The following NRG3 variants were observed in gnomAD, a reference collection of about 807,000 sequenced individuals.
NRG3 encodes pro-neuregulin-3, membrane-bound isoform.
Under a neutral mutation model 66.9 loss-of-function variants are expected in NRG3, and 31 were observed. The ratio of observed to expected loss-of-function variants is 0.46; its 90% CI spans 0.35 to 0.63. The LOEUF (loss-of-function observed/expected upper bound fraction) is 0.63, where lower values mean the gene tolerates loss of function less well. NRG3 is among the 20% of genes least tolerant of loss of function. NRG3 has a pLI of 0.00. For synonymous variants in NRG3, 393 were observed against 359.4 expected, an observed-to-expected ratio of 1.09 and a Z score of -1.06; for missense variants, 910 against 878.9, an observed-to-expected ratio of 1.04 and a Z score of -0.45.
intron 1 of NRG3, among the ~76,000 whole-genome samples, chr10:82,055,750 A>C (rs1324215986): frequency 2.6e-5 from 4 of 152,164 alleles, no homozygotes; most frequent in African/African-American, 7.2e-5. Flanking sequence ...TTACAATGCA[A>C]GAAAGAGAAG....
intron 2 of NRG3, among the ~76,000 whole-genome samples, chr10:82,680,786 G>A (rs2054056289): frequency 6.6e-6 from 1 of 152,120 alleles, no homozygotes; most frequent in Non-Finnish European, 1.5e-5. Context: ...AGTTTCACTA[G>A]GCAGTTTCAG....
At chr10:82,145,691 C>T (rs1350053114) in intron 1 of NRG3, among the ~76,000 whole-genome samples, 6 of 152,190 alleles carry the variant, frequency 3.9e-5, no homozygotes, top group Admixed American at 3.3e-4. Context: ...GGTACAATAA[C>T]CAACTGTAGC....
At chr10:82,109,535 T>TTGTGTGTGTGTG (rs747213240) in intron 1 of NRG3, among the ~76,000 whole-genome samples, 17 of 138,772 alleles carry the variant, frequency 1.2e-4, no homozygotes, top group Non-Finnish European at 2.3e-4. Context: ...AAGAATAAGA[T>TTGTGTGTGTGTG]TGTGTGTGTG....
At chr10:82,925,944 G>C (rs1846954224) in intron 4 of NRG3, among the ~76,000 whole-genome samples, 1 of 152,150 alleles carries the variant, frequency 6.6e-6, no homozygotes, top group African/African-American at 2.4e-5. Flanking sequence ...ATGCATTTTA[G>C]GGGATTTGAG....
chr10:82,079,198 C>T (rs1241135976), intron 1 of NRG3, among the ~76,000 whole-genome samples: 1 of 151,976 alleles, frequency 6.6e-6, no homozygotes, highest in Non-Finnish European at 1.5e-5. Flanking sequence ...GTGCCTGCCA[C>T]AACGCCCAGC....
At chr10:82,876,161 T>G (rs563104723) in intron 4 of NRG3, among the ~76,000 whole-genome samples, 1 of 152,346 alleles carries the variant, frequency 6.6e-6, no homozygotes, top group East Asian at 1.9e-4. Flanking sequence ...TGCTGTTCAC[T>G]GAAGAATAAC....
At chr10:82,878,226 T>C (rs1206606951) in intron 4 of NRG3, among the ~76,000 whole-genome samples, 2 of 152,114 alleles carry the variant, frequency 1.3e-5, no homozygotes, top group African/African-American at 2.4e-5. Flanking sequence ...CTGGACAAAC[T>C]TGATGTAGTT....
chr10:82,185,286 A>G (rs2073731055), intron 1 of NRG3, among the ~76,000 whole-genome samples: 1 of 152,220 alleles, frequency 6.6e-6, no homozygotes, highest in South Asian at 2.1e-4. Context: ...GTAAGATGCT[A>G]GACTATCTGC....
chr10:82,577,709 T>A (rs1281741750), intron 2 of NRG3, among the ~76,000 whole-genome samples: 1 of 151,750 alleles, frequency 6.6e-6, no homozygotes, highest in Non-Finnish European at 1.5e-5. Context: ...GGATGTTTCA[T>A]GAATTTTCGG....
chr10:82,174,990 TA>T (rs1329648214), intron 1 of NRG3, among the ~76,000 whole-genome samples: 3 of 152,144 alleles, frequency 2.0e-5, no homozygotes, highest in Non-Finnish European at 4.4e-5. Context: ...CTCTCTTTTT[TA>T]AAAAAATTAT....
intron 1 of NRG3, among the ~76,000 whole-genome samples, chr10:81,903,982 A>G (rs1013216641): frequency 1.6e-5 from 2 of 121,980 alleles, no homozygotes; most frequent in African/African-American, 8.3e-5. Flanking sequence ...GTGTATATAT[A>G]TATATATATA....
intron 2 of NRG3, among the ~76,000 whole-genome samples, chr10:82,580,320 G>C (rs2046281295): frequency 6.6e-6 from 1 of 151,708 alleles, no homozygotes; most frequent in Non-Finnish European, 1.5e-5. Context: ...CCCAAATACA[G>C]AGTTCCTATA....
In NRG3 at chr10:82,447,275, C is replaced by T. The variant is rs77545192; in HGVS notation, c.953+88407C>T. The stretch of plus-strand genomic sequence containing the variant: ...TATTTGAATTTAAGCTTATAGGCCA[C>T]GGAGTGCAGGCAACCAGCAGTCGGG... On this transcript the variant is annotated intron_variant, in intron 2 of 8. Coordinates refer to ENST00000372141, the MANE Select transcript of NRG3 (RefSeq NM_001010848.4). 6.6e-3 allele frequency among the ~76,000 whole-genome samples: 1,001 copies of T among 152,212 alleles called. 5 individuals are homozygous for T. Among genetic ancestry groups the T allele is most frequent in the Non-Finnish European group, 8.1e-3 (552 of 68,014 alleles).
chr10:82,297,622 G>A (rs2080147173), intron 1 of NRG3, among the ~76,000 whole-genome samples: 1 of 152,064 alleles, frequency 6.6e-6, no homozygotes, highest in South Asian at 2.1e-4. Flanking sequence ...TCACTTTGCT[G>A]ATGTATTTTA....
chr10:82,539,641 TG>T (rs2132732523), intron 2 of NRG3, among the ~76,000 whole-genome samples: 1 of 152,194 alleles, frequency 6.6e-6, no homozygotes, highest in East Asian at 1.9e-4. Flanking sequence ...TTTTTGTTTT[TG>T]TTTTTGTTTT....
intron 3 of NRG3, among the ~76,000 whole-genome samples, chr10:82,845,725 C>A (rs1455281991): frequency 6.6e-6 from 1 of 151,640 alleles, no homozygotes; most frequent in African/African-American, 2.4e-5. Context: ...AATATTTTAA[C>A]AAAAGGAAAA....
At chr10:82,211,785 T>C (rs1251377225) in intron 1 of NRG3, among the ~76,000 whole-genome samples, 9 of 152,102 alleles carry the variant, frequency 5.9e-5, no homozygotes, top group Admixed American at 5.9e-4. Flanking sequence ...GCATGGTATG[T>C]AATTTGCTTC....
At chr10:82,586,437 A>G (rs2046673774) in intron 2 of NRG3, among the ~76,000 whole-genome samples, 1 of 152,158 alleles carries the variant, frequency 6.6e-6, no homozygotes, top group South Asian at 2.1e-4. Context: ...AGGATTGGAC[A>G]GCATGGTTGT....
intron 1 of NRG3, among the ~76,000 whole-genome samples, chr10:81,939,633 T>C (rs941179385): frequency 6.6e-6 from 1 of 151,902 alleles, no homozygotes; most frequent in African/African-American, 2.4e-5. Flanking sequence ...TCATTTCTGG[T>C]TTTTGTTATT....
Sources: gnomAD v4.1 joint callset for allele counts (sites outside exome capture counted in the v4.1 genomes callset) on GRCh38, gnomAD v4.1.1 for gene constraint, MANE v1.5 for transcripts, NCBI Gene and HGNC (gene_info 2026-07-23, HGNC 2026-07-21) for gene names.